The following ZFHX3 variants were observed in gnomAD, a reference collection of about 807,000 sequenced individuals.
ZFHX3 encodes the protein zinc finger homeobox protein 3.
ZFHX3 carries 42 observed loss-of-function variants against 279.1 expected under a neutral mutation model. The ratio of observed to expected loss-of-function variants is 0.15; its 90% CI spans 0.12 to 0.19. The LOEUF (loss-of-function observed/expected upper bound fraction) is 0.19. ZFHX3 is among the 10% of genes least tolerant of loss of function. The pLI is 1.00. For synonymous variants in ZFHX3, 2,293 were observed against 1,957.8 expected, an observed-to-expected ratio of 1.17 and a Z score of -4.52; for missense variants, 4,981 against 4,754.0, an observed-to-expected ratio of 1.05 and a Z score of -1.40.
At position 73,303,963 on chromosome 16, in the gene ZFHX3, GAAAAAAAAAAAAAAA is replaced by G. The variant is rs201865011; in HGVS notation, c.-1194+14262_-1194+14276del. ...GATGGAGGTTCAAAAACCCTAGGTGGAAAAAAAAAAAAAAAAAAAAAAAAAAAGAAATGTAGGAAA... is the reference window on the plus strand; with the variant it reads ...GATGGAGGTTCAAAAACCCTAGGTGGAAAAAAAAAAAAGAAATGTAGGAAA... On this transcript the variant is annotated intron_variant, in intron 4 of 17. Transcript: ENST00000641206. 2.5e-3 allele frequency among the ~76,000 whole-genome samples: 187 copies of G among 76,130 alleles called. 1 individual carries two copies. Among genetic ancestry groups the G allele is most frequent in the Middle Eastern group, 0.019 (2 of 104 alleles). The allele number at this position is 76,130 out of a possible 152,430, so 49.9% of individuals were successfully genotyped here. A position where few individuals can be genotyped will look rare whatever the true frequency, so the allele number is the denominator to read the frequency against.
chr16:73,071,285 T>C (rs1300381936), intron 8 of ZFHX3, among the ~76,000 whole-genome samples: 1 of 151,992 alleles, frequency 6.6e-6, no homozygotes, highest in East Asian at 1.9e-4. Context: ...GCTTTCTTTC[T>C]TTATTTATGT....
chr16:73,696,200 C>T (rs2053196297), intron 1 of ZFHX3, among the ~76,000 whole-genome samples: 1 of 152,130 alleles, frequency 6.6e-6, no homozygotes, highest in Non-Finnish European at 1.5e-5. Context: ...CTATGCTGGC[C>T]AAGGACCTGC....
At chr16:73,702,556 C>T (rs1212786584) in intron 1 of ZFHX3, among the ~76,000 whole-genome samples, 1 of 152,140 alleles carries the variant, frequency 6.6e-6, no homozygotes, top group Non-Finnish European at 1.5e-5. Context: ...GAGATTAGTG[C>T]CCCGAAATAT....
chr16:73,172,999 TTTTTTTTTG>T (rs1467099335), intron 5 of ZFHX3, among the ~76,000 whole-genome samples: 1,408 of 77,612 alleles, frequency 0.018, 94 homozygotes, highest in East Asian at 0.03. Context: ...TTTTTTTGTT[TTTTTTTTTG>T]TTTTTTTTTT....
chr16:73,456,734 G>C (rs569001413), intron 2 of ZFHX3, among the ~76,000 whole-genome samples: 85 of 152,318 alleles, frequency 5.6e-4, no homozygotes, highest in Admixed American at 1.8e-3. Context: ...TGGAGAGTGG[G>C]ATCCAGATGC....
At chr16:73,026,699 A>G (rs970915653) in intron 1 of ZFHX3, among the ~76,000 whole-genome samples, 5 of 148,834 alleles carry the variant, frequency 3.4e-5, no homozygotes, top group Non-Finnish European at 6.0e-5. Flanking sequence ...AAAAAAACAC[A>G]TAGTAAAGGG....
At chr16:73,616,954 A>G (rs4887870) in intron 2 of ZFHX3, among the ~76,000 whole-genome samples, 42,555 of 152,066 alleles carry the variant, frequency 0.28, 7,151 homozygotes, top group African/African-American at 0.47. Context: ...TCACTTCTCT[A>G]TAACGGATGC....
chr16:73,278,473 T>A (rs1010084750), intron 4 of ZFHX3, among the ~76,000 whole-genome samples: 1 of 152,162 alleles, frequency 6.6e-6, no homozygotes, highest in African/African-American at 2.4e-5. Context: ...AAGGTGAGTG[T>A]CAACAGCTCT....
intron 2 of ZFHX3, among the ~76,000 whole-genome samples, chr16:73,491,042 G>A (rs980870128): frequency 6.6e-6 from 1 of 152,172 alleles, no homozygotes; most frequent in Non-Finnish European, 1.5e-5. Flanking sequence ...TTGACAAAAT[G>A]TCATCGAAAT....
At chr16:73,795,104 G>C (rs1959953153) in intron 1 of ZFHX3, among the ~76,000 whole-genome samples, 1 of 152,164 alleles carries the variant, frequency 6.6e-6, no homozygotes, top group Non-Finnish European at 1.5e-5. Context: ...ACTCCTCTCA[G>C]TGTCATGAGC....
intron 2 of ZFHX3, chr16:73,609,455 G>A (rs1394433503): frequency 6.6e-6 from 1 of 152,208 alleles, no homozygotes; most frequent in Middle Eastern, 3.2e-3. Flanking sequence ...AATTGAAAGG[G>A]TTGTCAACAA....
chr16:73,838,595 C>A (rs1331679704), intron 1 of ZFHX3, among the ~76,000 whole-genome samples: 2 of 152,158 alleles, frequency 1.3e-5, no homozygotes, highest in East Asian at 1.9e-4. Flanking sequence ...GAAAGGTGAG[C>A]TTTCCCATTT....
intron 1 of ZFHX3, among the ~76,000 whole-genome samples, chr16:73,780,354 G>T (rs1025070015): frequency 1.3e-4 from 20 of 150,104 alleles, no homozygotes; most frequent in African/African-American, 4.7e-4. Flanking sequence ...TGCCATGCTG[G>T]CCAGGCTGGT....
At chr16:73,342,812 A>T (rs895234208) in intron 3 of ZFHX3, among the ~76,000 whole-genome samples, 1 of 152,192 alleles carries the variant, frequency 6.6e-6, no homozygotes. Context: ...TATGCAAAAA[A>T]TCCACAGGGA....
intron 4 of ZFHX3, among the ~76,000 whole-genome samples, chr16:73,316,063 A>C (rs1433575672): frequency 6.6e-6 from 1 of 152,162 alleles, no homozygotes; most frequent in African/African-American, 2.4e-5. Flanking sequence ...CTCTCAGAGG[A>C]CAGTGTCTCC....
At chr16:73,031,422 T>A (rs1401676883) in intron 1 of ZFHX3, among the ~76,000 whole-genome samples, 1 of 152,164 alleles carries the variant, frequency 6.6e-6, no homozygotes, top group Non-Finnish European at 1.5e-5. Flanking sequence ...AGAGAGGGTT[T>A]GGAGCATTCC....
intron 1 of ZFHX3, among the ~76,000 whole-genome samples, chr16:73,764,703 G>T (rs1405293567): frequency 2.0e-5 from 3 of 152,118 alleles, no homozygotes; most frequent in Admixed American, 2.0e-4. Context: ...ACCAAAGAAA[G>T]AACAGGTGGG....
intron 8 of ZFHX3, among the ~76,000 whole-genome samples, chr16:73,073,863 G>A (rs1248975925): frequency 2.0e-5 from 3 of 152,156 alleles, no homozygotes; most frequent in Non-Finnish European, 4.4e-5. Flanking sequence ...TTATTGTTGT[G>A]GCTTTTGATT....
Position 73,185,813 on chromosome 16 carries a change from G to A in ZFHX3, c.-1103-41982C>T, listed in dbSNP as rs749800495. 1.1e-4 allele frequency among the ~76,000 whole-genome samples: 17 copies of A among 152,000 alleles called. No individual in the cohort carries two copies. The East Asian group carries it at 1.9e-3, about 17-fold the overall frequency. ...CCAGCCACAGGGGTCCCCAATCCCC[G>A]GGCCACGGACCAGTACTGGTCCATG... On this transcript the variant is annotated intron_variant, in intron 5 of 17. Coordinates refer to the ZFHX3 transcript ENST00000641206.
Sources: gnomAD v4.1 joint callset for allele counts (sites outside exome capture counted in the v4.1 genomes callset) on GRCh38, gnomAD v4.1.1 for gene constraint, MANE v1.5 for transcripts, NCBI Gene and HGNC (gene_info 2026-07-23, HGNC 2026-07-21) for gene names.